NAALADL2: variants seen among roughly 807,000 people sequenced by gnomAD.
NAALADL2 encodes N-acetylated alpha-linked acidic dipeptidase like 2.
In NAALADL2, 76 loss-of-function variants were observed where a neutral mutation model predicts 87.2. That is an observed-to-expected ratio of 0.87 (90% CI 0.72 to 1.05). The LOEUF (loss-of-function observed/expected upper bound fraction) is 1.05. Among genes scored for constraint, NAALADL2 ranks in the 50% least tolerant of loss-of-function variants. The pLI is 0.00. For missense variants in NAALADL2, 1,089 were observed against 945.8 expected (o/e 1.15, Z -1.99); for synonymous variants, 354 against 331.0 (o/e 1.07, Z -0.75).
At chr3:175,033,980 T>C (rs1053544916) in intron 1 of NAALADL2, among the ~76,000 whole-genome samples, 1 of 152,192 alleles carries the variant, frequency 6.6e-6, no homozygotes, top group Admixed American at 6.5e-5. Flanking sequence ...CTCACCACTG[T>C]GTACGGCCAA....
chr3:174,600,299 T>G (rs1718313129), intron 2 of NAALADL2, among the ~76,000 whole-genome samples: 1 of 152,116 alleles, frequency 6.6e-6, no homozygotes, highest in South Asian at 2.1e-4. Context: ...TGGTAGTATA[T>G]GAGGAATTCT....
At chr3:175,054,507 G>A (rs181550737) in intron 1 of NAALADL2, among the ~76,000 whole-genome samples, 11 of 152,100 alleles carry the variant, frequency 7.2e-5, no homozygotes, top group Non-Finnish European at 7.4e-5. Flanking sequence ...TCTTAATTTC[G>A]AAAACTGGAA....
intron 2 of NAALADL2, among the ~76,000 whole-genome samples, chr3:174,636,661 G>A (rs1161458236): frequency 6.6e-6 from 1 of 152,070 alleles, no homozygotes; most frequent in Admixed American, 6.6e-5. Context: ...AAGAACGGAT[G>A]TTGGCAAGGA....
At chr3:174,567,347 G>A (rs987790516) in intron 2 of NAALADL2, among the ~76,000 whole-genome samples, 9 of 150,822 alleles carry the variant, frequency 6.0e-5, no homozygotes, top group East Asian at 5.8e-4. Context: ...TTTTTAATAC[G>A]CAGCAGTTTA....
chr3:175,160,318 G>C (rs1580737833), intron 2 of NAALADL2, among the ~76,000 whole-genome samples: 1 of 135,334 alleles, frequency 7.4e-6, no homozygotes, highest in African/African-American at 2.6e-5. Context: ...AGGCTTATAA[G>C]TAAAATTTTA....
At chr3:174,968,340 G>T (rs1227781950) in intron 1 of NAALADL2, among the ~76,000 whole-genome samples, 4 of 152,128 alleles carry the variant, frequency 2.6e-5, no homozygotes, top group Non-Finnish European at 5.9e-5. Context: ...TGCCAACGCT[G>T]TGTGACCTAG....
chr3:175,243,531 C>CATT (rs1747364351), intron 3 of NAALADL2, among the ~76,000 whole-genome samples: 1 of 85,600 alleles, frequency 1.2e-5, no homozygotes, highest in Non-Finnish European at 2.1e-5. Flanking sequence ...CACATCAGGA[C>CATT]TTTTTTTTTT....
chr3:174,566,630 G>A (rs527823583), intron 2 of NAALADL2, among the ~76,000 whole-genome samples: 1 of 151,452 alleles, frequency 6.6e-6, no homozygotes, highest in Admixed American at 6.6e-5. Context: ...CATATTTTAT[G>A]TCTTTAATTT....
intron 1 of NAALADL2, among the ~76,000 whole-genome samples, chr3:175,096,496 G>A (rs1318035699): frequency 1.3e-4 from 1 of 7,732 alleles, no homozygotes; most frequent in Admixed American, 1.0e-3. Flanking sequence ...TTAATGGGGC[G>A]TGTGTGTGTG....
At chr3:175,008,973 A>C (rs745487429) in intron 1 of NAALADL2, among the ~76,000 whole-genome samples, 1 of 152,222 alleles carries the variant, frequency 6.6e-6, no homozygotes, top group Non-Finnish European at 1.5e-5. Context: ...AAAAAGACAA[A>C]TCTAAATGTA....
At chr3:175,747,148 C>A (rs9839140) in intron 12 of NAALADL2, among the ~76,000 whole-genome samples, 4,227 of 152,222 alleles carry the variant, frequency 0.028, 150 homozygotes, top group African/African-American at 0.084. Flanking sequence ...CCCACCATTT[C>A]TCTTTGAACT....
intron 5 of NAALADL2, among the ~76,000 whole-genome samples, chr3:175,435,515 CATA>C (rs1718480773): frequency 6.6e-6 from 1 of 151,950 alleles, no homozygotes; most frequent in African/African-American, 2.4e-5. Context: ...AACATTTTAA[CATA>C]ATAATAAAAA....
rs75781001 is a variant in NAALADL2, at chr3:175,167,773, A to T, written c.546-66158A>T. Reference sequence around the variant, plus strand: ...ATCTTTTAGGTTTCAGTTAAAAAACAGCATTTTCTCAGGCCAGACTTTCCA... The same window carrying T: ...ATCTTTTAGGTTTCAGTTAAAAAACTGCATTTTCTCAGGCCAGACTTTCCA... On this transcript the variant is annotated intron_variant, in intron 2 of 13. Transcript: ENST00000454872. Among the ~76,000 whole-genome samples, 664 of 152,168 alleles carry T rather than the reference A, an allele frequency of 4.4e-3. 4 individuals carry two copies. The highest frequency in any genetic ancestry group is 0.016 in the African/African-American group (646 of 41,546).
In NAALADL2 at chr3:175,211,883, G is replaced by A. The variant is rs149164200; in HGVS notation, c.546-22048G>A. 4.1e-3 allele frequency among the ~76,000 whole-genome samples: 630 copies of A among 151,986 alleles called. 3 individuals are homozygous for A. Among genetic ancestry groups the A allele is most frequent in the African/African-American group, 0.015 (603 of 41,486 alleles). On this transcript the variant is annotated intron_variant, in intron 2 of 13. Transcript: ENST00000454872. The stretch of plus-strand genomic sequence containing the variant: ...TATTTGCCCAAATCAAAAATGATTA[G>A]TCCTCCCATTTTGTAATAGCAGACA...
At chr3:174,467,424 G>T (rs58816310) in intron 1 of NAALADL2, among the ~76,000 whole-genome samples, 5 of 151,268 alleles carry the variant, frequency 3.3e-5, no homozygotes, top group African/African-American at 7.3e-5. Context: ...GAAACCCCGT[G>T]GCTACTAAAA....
At chr3:175,414,357 T>C (rs1202732003) in intron 5 of NAALADL2, among the ~76,000 whole-genome samples, 1 of 152,196 alleles carries the variant, frequency 6.6e-6, no homozygotes, top group Non-Finnish European at 1.5e-5. Context: ...CGGTACCTTA[T>C]GTGTGTTTAA....
chr3:175,173,752 G>A (rs895377737), intron 2 of NAALADL2, among the ~76,000 whole-genome samples: 7 of 152,166 alleles, frequency 4.6e-5, no homozygotes, highest in African/African-American at 9.6e-5. Flanking sequence ...TTGCAAGCAC[G>A]TTTATTAGTG....
intron 4 of NAALADL2, among the ~76,000 whole-genome samples, chr3:175,310,839 T>C (rs1424650461): frequency 1.3e-5 from 2 of 152,078 alleles, no homozygotes; most frequent in Non-Finnish European, 2.9e-5. Context: ...CTACTGTCTT[T>C]ATGATTTAAT....
At chr3:174,728,800 A>G (rs1486930580) in intron 2 of NAALADL2, among the ~76,000 whole-genome samples, 3 of 152,112 alleles carry the variant, frequency 2.0e-5, no homozygotes, top group African/African-American at 7.2e-5. Flanking sequence ...ACTGAGAAGC[A>G]GTTATCCTCG....
Sources: allele counts gnomAD v4.1 joint callset (sites outside exome capture counted in the v4.1 genomes callset), GRCh38; gene constraint gnomAD v4.1.1; transcripts MANE v1.5; gene names NCBI Gene and HGNC (gene_info 2026-07-23, HGNC 2026-07-21).